Variants in TTC28 observed in about 807,000 individuals in gnomAD.
TTC28 encodes the protein tetratricopeptide repeat domain 28.
TTC28 carries 61 observed loss-of-function variants against 198.0 expected under a neutral mutation model. The ratio of observed to expected loss-of-function variants is 0.31; its 90% CI spans 0.25 to 0.38. The LOEUF (loss-of-function observed/expected upper bound fraction) is 0.38, where lower values mean the gene tolerates loss of function less well. TTC28 is among the 10% of genes least tolerant of loss of function. The pLI, the probability that TTC28 is intolerant of heterozygous loss-of-function variation, is 1.00. For missense variants in TTC28, 2,678 were observed against 3,164.0 expected (o/e 0.85, Z 3.69); for synonymous variants, 1,171 against 1,297.8 (o/e 0.90, Z 2.10).
chr22:28,418,772 A>G (rs944174495), intron 2 of TTC28, among the ~76,000 whole-genome samples: 10 of 152,364 alleles, frequency 6.6e-5, no homozygotes, highest in African/African-American at 2.4e-4. Context: ...AACAACAAAC[A>G]TCAATACCAC....
At chr22:28,321,277 T>C (rs1474702150) in intron 2 of TTC28, among the ~76,000 whole-genome samples, 3 of 152,214 alleles carry the variant, frequency 2.0e-5, no homozygotes, top group African/African-American at 7.2e-5. Context: ...GAAAGGTTAA[T>C]GAAATGAATT....
intron 5 of TTC28, among the ~76,000 whole-genome samples, chr22:28,224,415 C>A (rs926344376): frequency 6.6e-6 from 1 of 152,092 alleles, no homozygotes; most frequent in Non-Finnish European, 1.5e-5. Context: ...TCTCAAACCC[C>A]TAGTGAGTAG....
At chr22:28,152,670 A>C (rs1440044039) in intron 6 of TTC28, among the ~76,000 whole-genome samples, 1 of 152,246 alleles carries the variant, frequency 6.6e-6, no homozygotes, top group Non-Finnish European at 1.5e-5. Flanking sequence ...TGACATATTA[A>C]GAGGTTATTT....
chr22:28,647,351 G>A (rs906009498), intron 1 of TTC28, among the ~76,000 whole-genome samples: 1 of 152,058 alleles, frequency 6.6e-6, no homozygotes, highest in Non-Finnish European at 1.5e-5. Context: ...TAAGACCCCA[G>A]AAGCAAAAGC....
intron 2 of TTC28, among the ~76,000 whole-genome samples, chr22:28,481,286 T>C (rs2048243432): frequency 6.6e-6 from 1 of 152,210 alleles, no homozygotes; most frequent in South Asian, 2.1e-4. Flanking sequence ...ACAATCTACA[T>C]TTCAGAGTAA....
At chr22:28,386,216 A>G (rs1420056388) in intron 2 of TTC28, among the ~76,000 whole-genome samples, 5 of 127,730 alleles carry the variant, frequency 3.9e-5, no homozygotes, top group Non-Finnish European at 6.4e-5. Context: ...CGGAGCTTGC[A>G]GTGAGCCGAG....
intron 1 of TTC28, among the ~76,000 whole-genome samples, chr22:28,669,925 TAA>T (rs1404026838): frequency 6.6e-6 from 1 of 151,988 alleles, no homozygotes; most frequent in Non-Finnish European, 1.5e-5. Flanking sequence ...CTGGATTAAA[TAA>T]GTTTTTCCAT....
Position 28,297,758 on chromosome 22 carries a change from T to C in TTC28, c.624A>G (p.Thr208=). ...CCACAGAGGCCCCATGATGGCCAGC[T>C]GTCAGGAGTTCCTGCCCAACCACAG... The part of the protein sequence containing the change: ...VVSVVGQELL[T]AGHHGASVVV... The change falls in exon 4 of 23, where the codon ACA becomes ACG. Residue 208 remains threonine, a synonymous_variant. Transcript: ENST00000397906. The C allele has an allele frequency of 6.4e-7, 1 of 1,551,704 alleles. No homozygotes were observed. The highest frequency in any genetic ancestry group is 8.7e-7 in the Non-Finnish European group (1 of 1,146,998).
At chr22:28,218,278 G>C (rs760441388) in intron 5 of TTC28, among the ~76,000 whole-genome samples, 9 of 151,996 alleles carry the variant, frequency 5.9e-5, no homozygotes, top group Non-Finnish European at 1.3e-4. Context: ...GTTCAGTAAG[G>C]CTACAGATCT....
chr22:28,302,370 C>T (rs1030234656), intron 3 of TTC28, among the ~76,000 whole-genome samples: 1 of 152,190 alleles, frequency 6.6e-6, no homozygotes, highest in African/African-American at 2.4e-5. Context: ...TCCACATCCA[C>T]ACCACTACGC....
chr22:28,275,688 A>G (rs1228929402), intron 5 of TTC28, among the ~76,000 whole-genome samples: 1 of 152,128 alleles, frequency 6.6e-6, no homozygotes, highest in African/African-American at 2.4e-5. Flanking sequence ...AGAGTAAAGC[A>G]ATCATTTTTT....
rs1399954306 is a variant in TTC28, at chr22:28,453,554, T to TA, written c.382-146912dup. On this transcript the variant is annotated intron_variant, in intron 2 of 22. Coordinates refer to ENST00000397906, the MANE Select transcript of TTC28 (RefSeq NM_001145418.2). Reference sequence around the variant, plus strand: ...TTCTTCAATTTTATTTTATATCAGTTAATGGCATCTCTATTCATCCAGCAG... The same window carrying TA: ...TTCTTCAATTTTATTTTATATCAGTTAAATGGCATCTCTATTCATCCAGCAG... Among the ~76,000 whole-genome samples the TA allele has an allele frequency of 1.1e-4, 17 of 152,332 alleles. No homozygotes were observed. In the South Asian group the frequency reaches 3.5e-3, roughly 32 times the overall value.
At chr22:28,568,326 C>G (rs1251258040) in intron 2 of TTC28, among the ~76,000 whole-genome samples, 3 of 152,058 alleles carry the variant, frequency 2.0e-5, no homozygotes, top group African/African-American at 7.2e-5. Flanking sequence ...GTTAATGCCC[C>G]ATAAACTTTA....
chr22:28,107,413 G>T lies in TTC28; in HGVS notation c.2432C>A (p.Thr811Lys). The change falls in exon 7 of 23, where the codon ACA (threonine) becomes AAA (lysine). Residue 811 changes from threonine to lysine, a missense_variant. By Grantham distance (78) the Thr-to-Lys change is moderately conservative. This residue lies in a region of TTC28 where 775 missense variants were observed against 845.9 expected (regional missense o/e 0.92). Transcript: ENST00000397906. ...CTCTTCATAACACTTGAATGCCATTGTGTATTTCCCAAGGGCCATGTAGAC... is the reference window on the plus strand; with the variant it reads ...CTCTTCATAACACTTGAATGCCATTTTGTATTTCCCAAGGGCCATGTAGAC... ...AAVYMALGKY[T>K]MAFKCYEEQL... The T allele has an allele frequency of 6.4e-7, 1 of 1,551,778 alleles. No individual in the cohort carries two copies. The highest frequency in any genetic ancestry group is 8.7e-7 in the Non-Finnish European group (1 of 1,147,028).
At chr22:28,419,601 G>C (rs1438863635) in intron 2 of TTC28, among the ~76,000 whole-genome samples, 1 of 152,198 alleles carries the variant, frequency 6.6e-6, no homozygotes, top group African/African-American at 2.4e-5. Flanking sequence ...GAAAGCATAT[G>C]ATGCTAAACA....
intron 2 of TTC28, among the ~76,000 whole-genome samples, chr22:28,590,065 C>T (rs1364617785): frequency 8.6e-6 from 1 of 115,806 alleles, no homozygotes; most frequent in Non-Finnish European, 1.8e-5. Flanking sequence ...AAAAAAAACA[C>T]AGAAAACCTG....
chr22:28,077,682 T>A (rs1469872957), intron 12 of TTC28, among the ~76,000 whole-genome samples: 1 of 152,090 alleles, frequency 6.6e-6, no homozygotes, highest in Non-Finnish European at 1.5e-5. Flanking sequence ...AATAAGAAAA[T>A]GTATTTGATT....
intron 2 of TTC28, among the ~76,000 whole-genome samples, chr22:28,557,887 T>G (rs2049809996): frequency 6.6e-6 from 1 of 152,226 alleles, no homozygotes; most frequent in Admixed American, 6.5e-5. Flanking sequence ...AATTTCATAT[T>G]CAGCTTTCTT....
At chr22:28,327,691 A>G (rs532243446) in intron 2 of TTC28, among the ~76,000 whole-genome samples, 2 of 152,324 alleles carry the variant, frequency 1.3e-5, no homozygotes, top group South Asian at 4.1e-4. Context: ...AGGAAAAGGA[A>G]ACCATTTTCC....
Sources: gnomAD v4.1 joint callset for allele counts (sites outside exome capture counted in the v4.1 genomes callset) on GRCh38, gnomAD v4.1.1 for gene constraint, gnomAD v4.1.1 regional missense constraint, MANE v1.5 for transcripts, NCBI Gene and HGNC (gene_info 2026-07-23, HGNC 2026-07-21) for gene names.